The following RNF145 variants were observed in gnomAD, a reference collection of about 807,000 sequenced individuals.
The protein encoded by RNF145 is ring finger protein 145.
A neutral mutation model predicts 57.3 loss-of-function variants in RNF145; 12 were observed. The observed-to-expected ratio is 0.21, with a 90% CI of 0.13 to 0.34. The LOEUF is 0.34. Ranked by LOEUF, RNF145 falls within the 10% of genes least tolerant of loss-of-function variation. The pLI, the probability that RNF145 is intolerant of heterozygous loss-of-function variation, is 1.00. For synonymous variants in RNF145, 262 were observed against 288.3 expected (o/e 0.91, Z 0.92); for missense variants, 429 against 799.0 (o/e 0.54, Z 5.58).
intron 1 of RNF145, chr5:159,207,327 ATTT>A: frequency 3.7e-6 from 2 of 545,076 alleles, no homozygotes; most frequent in South Asian, 2.8e-5. Flanking sequence ...TATTTCTCTT[ATTT>A]GAGTTCTTCA....
chr5:159,209,194 C>T (rs1234031147), intron 1 of RNF145, 37 bp downstream of exon 1: 1 of 738,922 alleles, frequency 1.4e-6, no homozygotes, highest in Non-Finnish European at 1.5e-6. Flanking sequence ...CCGGGGGGCG[C>T]GGGGATGGGA....
At chr5:159,190,254 C>T (rs985080994) in intron 3 of RNF145, among the ~76,000 whole-genome samples, 4 of 152,096 alleles carry the variant, frequency 2.6e-5, no homozygotes, top group Non-Finnish European at 5.9e-5. Flanking sequence ...GGCTGGTCTC[C>T]AACTCTTGAG....
chr5:159,195,844 T>C (rs766202438), intron 2 of RNF145, among the ~76,000 whole-genome samples: 4 of 152,228 alleles, frequency 2.6e-5, no homozygotes, highest in Non-Finnish European at 4.4e-5. Flanking sequence ...TTAATCTAAG[T>C]AGACATCCCA....
At chr5:159,181,901 T>C in intron 4 of RNF145, 59 bp downstream of exon 4, 1 of 980,478 alleles carries the variant, frequency 1.0e-6, no homozygotes, top group South Asian at 1.4e-5. Flanking sequence ...GCATGAATTT[T>C]ATAAGTTAGT....
chr5:159,209,370 T>A lies in RNF145; in HGVS notation c.-179A>T. ...CGGCACGGCTCACAGCGGCGGCTCT[T>A]CTGCGCCGAGCCTCGGATGTTGCTT... is the stretch of plus-strand genomic sequence containing the variant. On this transcript the variant is annotated 5_prime_UTR_variant, in exon 1 of 11. Coordinates refer to ENST00000424310, the MANE Select transcript of RNF145 (RefSeq NM_001199383.2). 1.0e-5 allele frequency: 10 copies of A among 985,912 alleles called. No individual in the cohort carries two copies. Among genetic ancestry groups the A allele is most frequent in the Non-Finnish European group, 9.6e-6 (8 of 829,938 alleles). The allele number at this position is 985,912 out of a possible 1,614,324, so 61.1% of individuals were successfully genotyped here.
intron 4 of RNF145, among the ~76,000 whole-genome samples, chr5:159,180,764 T>C (rs1292875618): frequency 6.6e-6 from 1 of 152,144 alleles, no homozygotes. Context: ...ACCTGGTTTG[T>C]ACCAAGTCTT....
At chr5:159,177,172 T>G (rs1177931809) in intron 4 of RNF145, among the ~76,000 whole-genome samples, 1 of 152,094 alleles carries the variant, frequency 6.6e-6, no homozygotes, top group Non-Finnish European at 1.5e-5. Context: ...TAATTCAGTA[T>G]TGTGACAATT....
upstream of RNF145, chr5:159,210,027 G>A: frequency 1.4e-6 from 1 of 730,414 alleles, no homozygotes; most frequent in Non-Finnish European, 2.3e-6. Context: ...TCAAACCCCT[G>A]TGGAGTAAGT....
rs1784363864 is a variant in RNF145 at position 159,165,581 on chromosome 5, G to A, written c.1122-2502C>T. ...GCCTGTAGTCCCAGCTACTTGGGAG[G>A]CTGAGGCAGGAGAATGGCGTGAACC... On this transcript the variant is annotated intron_variant, in intron 8 of 10. Transcript: ENST00000424310. Among the ~76,000 whole-genome samples, 2 of 42,032 alleles carry A rather than the reference G, an allele frequency of 4.8e-5. 1 individual carries two copies. The highest frequency in any genetic ancestry group is 7.8e-5 in the Non-Finnish European group (2 of 25,726). The allele number at this position is 42,032 out of a possible 152,430, so 27.6% of individuals were successfully genotyped here.
chr5:159,177,086 C>G (rs1029005729), intron 4 of RNF145, among the ~76,000 whole-genome samples: 6 of 152,046 alleles, frequency 3.9e-5, no homozygotes, highest in Admixed American at 3.3e-4. Context: ...TAGGGCTGAT[C>G]TGGAAAGAGC....
rs888994525 is a variant in RNF145 at position 159,159,011 on chromosome 5, G to A, written c.1651C>T (p.Pro551Ser). ...YQDMKSAVIT[P>S]CSHFFHAGCL... The stretch of plus-strand genomic sequence containing the variant: ...CCTGCATGGAAAAAATGACTGCAAG[G>A]CGTGATCACAGCAGATTTCATGTCC... The change falls in exon 11 of 11, where the codon CCT becomes TCT. Residue 551 changes from proline to serine, a missense_variant. By Grantham distance (74) the Pro-to-Ser change is moderately conservative. This residue lies in a region of RNF145 where 216 missense variants were observed against 457.6 expected (regional missense o/e 0.47). Coordinates refer to ENST00000424310, the MANE Select transcript of RNF145 (RefSeq NM_001199383.2). 3.1e-6 allele frequency: 5 copies of A among 1,613,518 alleles called. No individual in the cohort carries two copies. Among genetic ancestry groups the A allele is most frequent in the Non-Finnish European group, 4.2e-6 (5 of 1,179,678 alleles).
intron 2 of RNF145, among the ~76,000 whole-genome samples, chr5:159,203,061 G>C (rs746520649): frequency 9.9e-5 from 15 of 152,024 alleles, no homozygotes; most frequent in Non-Finnish European, 1.8e-4. Flanking sequence ...GAACAATAAA[G>C]AATGTTGCAT....
At chr5:159,169,461 A>T (rs1784480323) in intron 7 of RNF145, among the ~76,000 whole-genome samples, 1 of 152,218 alleles carries the variant, frequency 6.6e-6, no homozygotes, top group African/African-American at 2.4e-5. Flanking sequence ...GAAGGTGCCC[A>T]ATATTCATCA....
At chr5:159,166,582 A>G (rs886090845) in intron 8 of RNF145, among the ~76,000 whole-genome samples, 10 of 152,222 alleles carry the variant, frequency 6.6e-5, no homozygotes, top group African/African-American at 2.2e-4. Context: ...GCTTCATTAT[A>G]GAGTAGCACC....
At chr5:159,190,874 C>T (rs531435037) in intron 3 of RNF145, among the ~76,000 whole-genome samples, 1 of 152,020 alleles carries the variant, frequency 6.6e-6, no homozygotes, top group East Asian at 1.9e-4. Flanking sequence ...TTGTGAGATA[C>T]TATCATATAG....
intron 3 of RNF145, among the ~76,000 whole-genome samples, chr5:159,186,766 T>C (rs982499789): frequency 6.6e-6 from 1 of 152,104 alleles, no homozygotes. Flanking sequence ...TATTTGATAA[T>C]GTTCAAAAGC....
intron 4 of RNF145, among the ~76,000 whole-genome samples, chr5:159,178,593 T>C (rs892064839): frequency 2.6e-5 from 4 of 152,056 alleles, no homozygotes; most frequent in African/African-American, 9.7e-5. Context: ...GACTTGTTTG[T>C]ATTCTATCCA....
chr5:159,208,823 T>C, intron 1 of RNF145, among the ~76,000 whole-genome samples: 1 of 146,830 alleles, frequency 6.8e-6, no homozygotes, highest in Non-Finnish European at 1.5e-5. Flanking sequence ...AGAAATGGGA[T>C]GCTGGGGAGG....
At chr5:159,185,736 T>C (rs1785033936) in intron 3 of RNF145, among the ~76,000 whole-genome samples, 1 of 152,224 alleles carries the variant, frequency 6.6e-6, no homozygotes, top group Non-Finnish European at 1.5e-5. Flanking sequence ...TGTTTTAATA[T>C]CTTCAGAAAC....
Sources: gnomAD v4.1 joint callset for allele counts (sites outside exome capture counted in the v4.1 genomes callset) on GRCh38, gnomAD v4.1.1 for gene constraint, gnomAD v4.1.1 regional missense constraint, MANE v1.5 for transcripts, NCBI Gene and HGNC (gene_info 2026-07-23, HGNC 2026-07-21) for gene names.